The following PUS7 variants were observed in gnomAD, a reference collection of about 807,000 sequenced individuals.
The protein encoded by PUS7 is pseudouridylate synthase 7 homolog.
In PUS7, 48 loss-of-function variants were observed where a neutral mutation model predicts 79.8. The observed-to-expected ratio is 0.60, with a 90% CI of 0.48 to 0.76. The LOEUF (loss-of-function observed/expected upper bound fraction) is 0.76. Among genes scored for constraint, PUS7 ranks in the 30% least tolerant of loss-of-function variants. The pLI is 0.00. For synonymous variants in PUS7, 286 were observed against 272.2 expected (o/e 1.05, Z -0.50); for missense variants, 729 against 797.6 (o/e 0.91, Z 1.04).
chr7:105,480,540 GCTGAGGTCGGGGGATCAC>G (rs1824278578), intron 9 of PUS7, among the ~76,000 whole-genome samples: 2 of 152,174 alleles, frequency 1.3e-5, no homozygotes, highest in African/African-American at 4.8e-5. Context: ...AGTTTGGGAG[GCTGAGGTCGGGGGATCAC>G]CTGAGGTTGG....
At chr7:105,512,189 G>C (rs1372846349) in intron 1 of PUS7, among the ~76,000 whole-genome samples, 1 of 134,286 alleles carries the variant, frequency 7.4e-6, no homozygotes, top group Non-Finnish European at 1.6e-5. Flanking sequence ...TGAAAGACAA[G>C]AAATTAAATA....
chr7:105,458,600 T>A (rs1313873532), intron 15 of PUS7, among the ~76,000 whole-genome samples: 1 of 132,220 alleles, frequency 7.6e-6, no homozygotes, highest in Non-Finnish European at 1.6e-5. Context: ...TGAGATGGAG[T>A]CTCGTTTTGT....
At position 105,485,312 on chromosome 7, in the gene PUS7, C is replaced by T. The variant is rs565718417; in HGVS notation, c.921-2872G>A. On this transcript the variant is annotated intron_variant, in intron 7 of 15. Coordinates refer to ENST00000469408, the MANE Select transcript of PUS7 (RefSeq NM_019042.5). ...GCAACCTCCGCTTCCCGGGTTCAACCGATTCTCCTGCCTCGGCCTCCCGAG... is the reference window on the plus strand; with the variant it reads ...GCAACCTCCGCTTCCCGGGTTCAACTGATTCTCCTGCCTCGGCCTCCCGAG... Among the ~76,000 whole-genome samples the T allele has an allele frequency of 1.7e-4, 26 of 152,324 alleles. 1 individual carries two copies. Among genetic ancestry groups the T allele is most frequent in the African/African-American group, 5.5e-4 (23 of 41,572 alleles).
Position 105,508,248 on chromosome 7 carries a change from G to A in PUS7, c.265C>T (p.Leu89Phe). The change falls in exon 2 of 16, where the codon CTT becomes TTT. Residue 89 changes from leucine to phenylalanine, a missense_variant. By Grantham distance (22) the Leu-to-Phe change is conservative. Transcript: ENST00000469408. ...TCCTCCTCCTCGCACTCCTCTGAAA[G>A]TCCATCTTCCTCCTCTTCTTCCTCA... ...EDEEEEEEDG[L>F]SEECEEEESE... The A allele has an allele frequency of 6.2e-7, 1 of 1,614,094 alleles. No homozygotes were observed.
intron 5 of PUS7, 142 bp from the exon 6 acceptor site, chr7:105,495,395 G>A: frequency 1.8e-6 from 1 of 547,990 alleles, no homozygotes; most frequent in Non-Finnish European, 3.2e-6. Context: ...ATAGCTGTGT[G>A]GACTAGAGGT....
chr7:105,511,105 T>C (rs924078013), intron 1 of PUS7, among the ~76,000 whole-genome samples: 8 of 131,778 alleles, frequency 6.1e-5, no homozygotes, highest in African/African-American at 2.0e-4. Context: ...GATCTTGGCT[T>C]ACTGCAAGCT....
intron 15 of PUS7, 101 bp downstream of exon 15, chr7:105,459,067 T>C (rs1025876093): frequency 1.0e-5 from 6 of 579,360 alleles, no homozygotes; most frequent in Non-Finnish European, 1.8e-5. Flanking sequence ...AAATCATGGG[T>C]GGTGGTAGTG....
rs189085792 is a variant in PUS7, at chr7:105,480,966, G to A, written c.1175+86C>T. 3.1e-5 allele frequency: 45 copies of A among 1,439,436 alleles called. No individual in the cohort carries two copies. In the East Asian group the frequency reaches 6.2e-4, roughly 20 times the overall value. 89.2% of individuals were successfully genotyped at this position (1,439,436 alleles called of 1,614,324 possible). On this transcript the variant is annotated intron_variant, in intron 9 of 15. Transcript: ENST00000469408. ...TCATTTGCCCCAGACATGGGAGAACGTAGAAATAATTAAAAACACCACCAC... is the reference window on the plus strand; with the variant it reads ...TCATTTGCCCCAGACATGGGAGAACATAGAAATAATTAAAAACACCACCAC...
intron 7 of PUS7, among the ~76,000 whole-genome samples, chr7:105,490,056 T>G (rs1444384271): frequency 6.6e-6 from 1 of 150,668 alleles, no homozygotes; most frequent in Non-Finnish European, 1.5e-5. Context: ...GAGGTGGAAG[T>G]TGCAGTAAGC....
rs75216139 is a variant in PUS7 at position 105,514,772 on chromosome 7, T to C, written c.-32-6228A>G. 7.6e-3 allele frequency among the ~76,000 whole-genome samples: 1,160 copies of C among 152,084 alleles called. 11 individuals are homozygous for C. Among genetic ancestry groups the C allele is most frequent in the Admixed American group, 0.03 (459 of 15,256 alleles). ...GCTTACTTTCATTTTTCCTGTTCCA[T>C]ATAATAACTAAAAATTCTCTCTCAT... On this transcript the variant is annotated intron_variant, in intron 1 of 15. Coordinates refer to ENST00000469408, the MANE Select transcript of PUS7 (RefSeq NM_019042.5).
rs60102008 is a variant in PUS7, at chr7:105,512,865, G to A, written c.-32-4321C>T. On this transcript the variant is annotated intron_variant, in intron 1 of 15. Transcript: ENST00000469408. ...TAATCTGATCTAAGGCTGAAGCAAG[G>A]GAGACAGAAAAAGGCGACTTTCAAG... 5.5e-3 allele frequency among the ~76,000 whole-genome samples: 834 copies of A among 152,306 alleles called. 14 individuals are homozygous for A. The highest frequency in any genetic ancestry group is 0.038 in the East Asian group (195 of 5,188).
intron 5 of PUS7, among the ~76,000 whole-genome samples, chr7:105,497,818 C>T (rs1825096578): frequency 6.6e-6 from 1 of 152,154 alleles, no homozygotes; most frequent in Admixed American, 6.6e-5. Context: ...AATAAAACAA[C>T]AGAATGTTGA....
At chr7:105,512,474 G>C (rs891934964) in intron 1 of PUS7, among the ~76,000 whole-genome samples, 1 of 152,136 alleles carries the variant, frequency 6.6e-6, no homozygotes, top group African/African-American at 2.4e-5. Context: ...CCTAACCAAA[G>C]ACTACAATGC....
intron 9 of PUS7, among the ~76,000 whole-genome samples, chr7:105,475,021 C>T (rs796394430): frequency 7.2e-5 from 11 of 152,300 alleles, no homozygotes; most frequent in African/African-American, 2.4e-4. Context: ...AAACCTTTGC[C>T]AACACCTGAT....
At chr7:105,512,017 C>A (rs1249184559) in intron 1 of PUS7, among the ~76,000 whole-genome samples, 1 of 151,598 alleles carries the variant, frequency 6.6e-6, no homozygotes, top group Non-Finnish European at 1.5e-5. Flanking sequence ...TGGTGGCGGG[C>A]GCCTGTAATC....
intron 1 of PUS7, 22 bp downstream of exon 1, chr7:105,522,030 C>T: frequency 6.5e-6 from 1 of 152,876 alleles, no homozygotes; most frequent in South Asian, 2.1e-4. Flanking sequence ...CCCCGGCGGC[C>T]GCGGGGAGGC....
chr7:105,489,862 T>C (rs1824710855), intron 7 of PUS7, among the ~76,000 whole-genome samples: 1 of 152,164 alleles, frequency 6.6e-6, no homozygotes, highest in Non-Finnish European at 1.5e-5. Context: ...CTGATGCCTG[T>C]AATCCCAACA....
At chr7:105,511,032 A>G (rs938755737) in intron 1 of PUS7, among the ~76,000 whole-genome samples, 1 of 151,592 alleles carries the variant, frequency 6.6e-6, no homozygotes, top group Non-Finnish European at 1.5e-5. Context: ...ACTAAATGTT[A>G]TTTATTTATT....
intron 9 of PUS7, among the ~76,000 whole-genome samples, chr7:105,476,159 T>C (rs1824102858): frequency 1.3e-5 from 2 of 151,588 alleles, no homozygotes; most frequent in Non-Finnish European, 2.9e-5. Context: ...ATTCCTCCTT[T>C]GAAAGGCTTA....
Sources: allele counts gnomAD v4.1 joint callset (sites outside exome capture counted in the v4.1 genomes callset), GRCh38; gene constraint gnomAD v4.1.1; transcripts MANE v1.5; gene names NCBI Gene and HGNC (gene_info 2026-07-23, HGNC 2026-07-21).